The following CROCC2 variants were observed in gnomAD, a reference collection of about 807,000 sequenced individuals.
CROCC2 encodes the protein ciliary rootlet coiled-coil, rootletin family member 2, also known as ciliary rootlet coiled-coil protein 2.
In CROCC2, 163 loss-of-function variants were observed where a neutral mutation model predicts 177.6. That is an observed-to-expected ratio of 0.92 (90% CI 0.81 to 1.05). The LOEUF (loss-of-function observed/expected upper bound fraction) is 1.05. Among genes scored for constraint, CROCC2 ranks in the 50% least tolerant of loss-of-function variants. The pLI is 0.00. For synonymous variants in CROCC2, 904 were observed against 787.3 expected, an observed-to-expected ratio of 1.15 and a Z score of -2.48; for missense variants, 1,929 against 1,797.8, an observed-to-expected ratio of 1.07 and a Z score of -1.32.
At chr2:240,957,939 C>A (rs1353012923) in intron 19 of CROCC2, 1 of 982,278 alleles carries the variant, frequency 1.0e-6, no homozygotes, top group Non-Finnish European at 1.2e-6. Context: ...GCCCTGGGAG[C>A]TGATGCCTCT....
intron 1 of CROCC2, among the ~76,000 whole-genome samples, chr2:240,914,501 A>G (rs1022741811): frequency 2.0e-5 from 3 of 152,212 alleles, no homozygotes; most frequent in Admixed American, 6.5e-5. Context: ...CCGTTCTACA[A>G]GAGCAGGACC....
At chr2:240,967,525 T>C (rs2059691489) in intron 26 of CROCC2, 60 bp downstream of exon 26, 1 of 1,497,264 alleles carries the variant, frequency 6.7e-7, no homozygotes, top group Admixed American at 2.0e-5. Context: ...GGCACCACCA[T>C]GTCCCCACTG....
intron 29 of CROCC2, among the ~76,000 whole-genome samples, chr2:240,989,215 G>A (rs771004454): frequency 1.5e-4 from 23 of 152,140 alleles, no homozygotes; most frequent in Non-Finnish European, 2.5e-4. Flanking sequence ...GTGTTAGGGC[G>A]AGGAAATCCC....
At chr2:240,967,255 G>C in intron 25 of CROCC2, 90 bp from the exon 26 acceptor site, 1 of 524,900 alleles carries the variant, frequency 1.9e-6, no homozygotes, top group African/African-American at 1.9e-5. Flanking sequence ...GACCGTGAGC[G>C]GCCCCAGCTG....
At position 240,933,004 on chromosome 2, in the gene CROCC2, C is replaced by T. The variant is rs561433958; in HGVS notation, c.1251+96C>T. ...GTAGTTATGGGGCCTGCCCCTGAGC[C>T]CCATGGCTCCAGGGAGGGGCCCCAG... On this transcript the variant is annotated intron_variant, in intron 9 of 31. Coordinates refer to ENST00000690015, the MANE Select transcript of CROCC2 (RefSeq NM_001351305.2). 8.9e-5 allele frequency: 134 copies of T among 1,510,586 alleles called. No individual in the cohort carries two copies. The African/African-American group carries it at 1.7e-3, about 20-fold the overall frequency. The allele number at this position is 1,510,586 out of a possible 1,614,324, so 93.6% of individuals were successfully genotyped here. A position where few individuals can be genotyped will look rare whatever the true frequency, so the allele number is the denominator to read the frequency against.
At chr2:240,912,820 A>G (rs1284055248) in intron 1 of CROCC2, among the ~76,000 whole-genome samples, 1 of 152,140 alleles carries the variant, frequency 6.6e-6, no homozygotes, top group Non-Finnish European at 1.5e-5. Flanking sequence ...GCGGCTATCC[A>G]GGGGCCCTGG....
chr2:240,975,817 C>A (rs1199187153), intron 27 of CROCC2, among the ~76,000 whole-genome samples: 1 of 150,426 alleles, frequency 6.6e-6, no homozygotes, highest in East Asian at 2.0e-4. Flanking sequence ...GCAACCTCTG[C>A]CTCCCAGGTT....
chr2:240,910,327 C>T (rs1271350782), intron 1 of CROCC2, among the ~76,000 whole-genome samples: 1 of 129,248 alleles, frequency 7.7e-6, no homozygotes, highest in Admixed American at 8.3e-5. Context: ...GACGAGGAAC[C>T]CAGCACAGAA....
chr2:240,930,311 C>T, intron 6 of CROCC2, 42 bp downstream of exon 6: 1 of 493,432 alleles, frequency 2.0e-6, no homozygotes, highest in Admixed American at 3.8e-5. Context: ...CACCAGGCTG[C>T]AGGGAGCTGA....
chr2:240,925,673 T>A, intron 4 of CROCC2, 51 bp from the exon 5 acceptor site: 1 of 671,402 alleles, frequency 1.5e-6, no homozygotes, highest in Non-Finnish European at 2.7e-6. Context: ...TGAGCGCCTC[T>A]CTTAGGAGAG....
intron 9 of CROCC2, 99 bp from the exon 10 acceptor site, chr2:240,933,032 T>A: frequency 6.6e-7 from 1 of 1,511,522 alleles, no homozygotes; most frequent in Non-Finnish European, 9.0e-7. Flanking sequence ...GGCCCCAGTG[T>A]CGGGGGTGTC....
At chr2:240,956,964 A>C (rs1007350928) in intron 19 of CROCC2, among the ~76,000 whole-genome samples, 1 of 152,184 alleles carries the variant, frequency 6.6e-6, no homozygotes, top group Non-Finnish European at 1.5e-5. Flanking sequence ...TGCAGGAGTT[A>C]CAGCAGGATC....
At chr2:240,961,859 C>CGA (rs2059640458) in intron 20 of CROCC2, among the ~76,000 whole-genome samples, 1 of 61,572 alleles carries the variant, frequency 1.6e-5, no homozygotes, top group Non-Finnish European at 3.6e-5. Context: ...CACACACGCA[C>CGA]ACACTCATCA....
At chr2:240,914,484 C>T (rs372371718) in intron 1 of CROCC2, among the ~76,000 whole-genome samples, 1 of 152,378 alleles carries the variant, frequency 6.6e-6, no homozygotes, top group East Asian at 1.9e-4. Context: ...ACCCCCAGCC[C>T]CAGCCTCCGT....
intron 27 of CROCC2, among the ~76,000 whole-genome samples, chr2:240,978,289 T>G (rs183543464): frequency 9.8e-5 from 4 of 40,734 alleles, no homozygotes; most frequent in Middle Eastern, 0.013. Context: ...AGCCTCAGGA[T>G]CCCAGGCTCA....
At position 240,907,408 on chromosome 2, in the gene CROCC2, C is replaced by T. The variant is rs529769259; in HGVS notation, c.78+817C>T. ...CCTGCTGCTGACCACCACAGCCAGGCGGCCCCACCTCCAACGGACCCCTCG... is the reference window on the plus strand; with the variant it reads ...CCTGCTGCTGACCACCACAGCCAGGTGGCCCCACCTCCAACGGACCCCTCG... On this transcript the variant is annotated intron_variant, in intron 1 of 31. Transcript: ENST00000690015. Among the ~76,000 whole-genome samples the T allele has an allele frequency of 4.7e-3, 723 of 152,248 alleles. 11 individuals are homozygous for T. Among genetic ancestry groups the T allele is most frequent in the African/African-American group, 0.017 (707 of 41,516 alleles).
chr2:240,939,169 A>T (rs1417087080), intron 14 of CROCC2, among the ~76,000 whole-genome samples: 2 of 152,116 alleles, frequency 1.3e-5, no homozygotes, highest in Non-Finnish European at 2.9e-5. Flanking sequence ...AGAGTAAGGA[A>T]GTTCCCTTCA....
rs142991831 is a variant in CROCC2 at position 240,919,518 on chromosome 2, G to C, written c.230-465G>C. On this transcript the variant is annotated intron_variant, in intron 2 of 31. Transcript: ENST00000690015. ...GTGTGCCCAGGACTCCCTCGTGCAT[G>C]GGTCCCAGGGATCCCTCTCTCCCAG... Among the ~76,000 whole-genome samples, 78 of 152,170 alleles carry C rather than the reference G, an allele frequency of 5.1e-4. 2 individuals carry two copies. The highest frequency in any genetic ancestry group is 1.8e-3 in the African/African-American group (75 of 41,538).
In CROCC2 at chr2:240,964,583, AG is replaced by A. The variant is rs1255916134; in HGVS notation, c.3430del (p.Asp1144ThrfsTer13). On this transcript the variant is annotated frameshift_variant, in exon 22 of 32. Coordinates refer to ENST00000690015, the MANE Select transcript of CROCC2 (RefSeq NM_001351305.2). LOFTEE classifies it high-confidence loss of function. ...CCCACCTGTGGGAGCTGGAGCAGGC[AG>A]GGGGGGACGCCCGTCAGGAGCTCCG... ...RAHLWELEQA[G>X]GDARQELREL... The A allele has an allele frequency of 4.5e-6, 7 of 1,549,432 alleles. No individual in the cohort carries two copies. The highest frequency in any genetic ancestry group is 6.1e-6 in the Non-Finnish European group (7 of 1,146,776).
Sources: gnomAD v4.1 joint callset for allele counts (sites outside exome capture counted in the v4.1 genomes callset) on GRCh38, gnomAD v4.1.1 for gene constraint, MANE v1.5 for transcripts, NCBI Gene and HGNC (gene_info 2026-07-23, HGNC 2026-07-21) for gene names.